Variants in CAST observed in about 807,000 individuals in gnomAD.
The protein encoded by CAST is MIR583 host.
CAST carries 76 observed loss-of-function variants against 119.6 expected under a neutral mutation model. The ratio of observed to expected loss-of-function variants is 0.64; its 90% CI spans 0.53 to 0.77. The LOEUF (loss-of-function observed/expected upper bound fraction) is 0.77. Ranked by LOEUF, CAST falls within the 30% of genes least tolerant of loss-of-function variation. The pLI is 0.00. For missense variants in CAST, 953 were observed against 946.5 expected (o/e 1.01, Z -0.09); for synonymous variants, 319 against 331.6 (o/e 0.96, Z 0.41).
the CAST span, among the ~76,000 whole-genome samples, chr5:96,333,935 A>G: frequency 1.3e-5 from 2 of 152,164 alleles, no homozygotes; most frequent in Non-Finnish European, 2.9e-5. Context: ...CCCTTCCAAC[A>G]TCAACATTCT....
At chr5:96,517,903 C>T in the CAST span, among the ~76,000 whole-genome samples, 1 of 152,200 alleles carries the variant, frequency 6.6e-6, no homozygotes, top group African/African-American at 2.4e-5. Flanking sequence ...CTGTGTTAAG[C>T]CCTTTGTGAA....
chr5:96,710,311 C>T (rs115055776), intron 3 of CAST, among the ~76,000 whole-genome samples: 9 of 152,206 alleles, frequency 5.9e-5, no homozygotes, highest in African/African-American at 1.4e-4. Context: ...CAGCAATAGA[C>T]GGTAGAAAAT....
At chr5:96,283,765 A>T in the CAST span, among the ~76,000 whole-genome samples, 55,097 of 152,042 alleles carry the variant, frequency 0.36, 10,802 homozygotes, top group African/African-American at 0.5. Context: ...AGTATTAATA[A>T]ATCTTGCTTG....
intron 3 of CAST, among the ~76,000 whole-genome samples, chr5:96,700,885 G>C (rs1170028290): frequency 1.3e-5 from 2 of 152,044 alleles, no homozygotes; most frequent in Non-Finnish European, 2.9e-5. Context: ...CTAAGGAAAG[G>C]AGCCTTTTTC....
At chr5:96,738,524 C>A (rs1273010331) in intron 11 of CAST, among the ~76,000 whole-genome samples, 1 of 152,110 alleles carries the variant, frequency 6.6e-6, no homozygotes, top group African/African-American at 2.4e-5. Context: ...ACTTATTTTC[C>A]ATCCTCAAGA....
intron 1 of CAST, among the ~76,000 whole-genome samples, chr5:96,558,497 T>C (rs950403276): frequency 2.6e-5 from 4 of 152,030 alleles, no homozygotes; most frequent in Non-Finnish European, 4.4e-5. Flanking sequence ...AAGAATCAAA[T>C]AGACGCACTA....
the CAST span, among the ~76,000 whole-genome samples, chr5:96,323,846 C>T: frequency 6.6e-6 from 1 of 152,206 alleles, no homozygotes; most frequent in Non-Finnish European, 1.5e-5. Flanking sequence ...TAACACAGCT[C>T]ATCTCTGGCA....
At chr5:96,068,508 C>T in the CAST span, among the ~76,000 whole-genome samples, 3 of 151,702 alleles carry the variant, frequency 2.0e-5, no homozygotes, top group Non-Finnish European at 4.4e-5. Context: ...AGTTACTAAA[C>T]ATCTGATATG....
At chr5:96,502,456 AT>A in the CAST span, among the ~76,000 whole-genome samples, 2 of 151,826 alleles carry the variant, frequency 1.3e-5, no homozygotes, top group Non-Finnish European at 2.9e-5. Context: ...ATTTTAATTA[AT>A]TTTTTATTTC....
At chr5:96,194,043 A>C in the CAST span, among the ~76,000 whole-genome samples, 3 of 152,196 alleles carry the variant, frequency 2.0e-5, no homozygotes, top group Non-Finnish European at 4.4e-5. Context: ...GAGAAGAGAA[A>C]GACTAAAAGA....
chr5:96,521,736 T>G (rs959050220), upstream of CAST, among the ~76,000 whole-genome samples: 4 of 152,244 alleles, frequency 2.6e-5, no homozygotes, highest in Admixed American at 2.6e-4. Context: ...ATATGGCACA[T>G]AATTCCTAGA....
At chr5:96,266,419 T>G in the CAST span, among the ~76,000 whole-genome samples, 1 of 151,898 alleles carries the variant, frequency 6.6e-6, no homozygotes, top group Admixed American at 6.6e-5. Context: ...TAAAGAGAGA[T>G]AAAGGCAAAG....
At chr5:96,016,150 A>G in the CAST span, among the ~76,000 whole-genome samples, 1 of 152,238 alleles carries the variant, frequency 6.6e-6, no homozygotes, top group Non-Finnish European at 1.5e-5. Flanking sequence ...CCTGCCCTTC[A>G]TGATGGCCTA....
chr5:96,242,079 T>A, the CAST span, among the ~76,000 whole-genome samples: 1 of 147,710 alleles, frequency 6.8e-6, no homozygotes, highest in Non-Finnish European at 1.5e-5. Context: ...TTAGATCCCA[T>A]TTGTCAATTT....
chr5:96,619,669 C>T (rs1747555628), intron 1 of CAST, among the ~76,000 whole-genome samples: 2 of 152,192 alleles, frequency 1.3e-5, no homozygotes. Flanking sequence ...AGACCACTAA[C>T]CCACCAGAAG....
At chr5:96,441,892 C>T in the CAST span, among the ~76,000 whole-genome samples, 1 of 152,134 alleles carries the variant, frequency 6.6e-6, no homozygotes, top group East Asian at 1.9e-4. Flanking sequence ...TTCCATTTCC[C>T]AGCTTCCTGT....
At chr5:96,641,558 A>G (rs1340844705) in intron 1 of CAST, among the ~76,000 whole-genome samples, 3 of 152,184 alleles carry the variant, frequency 2.0e-5, no homozygotes. Context: ...TCCCAATGCC[A>G]AGAGGATGGA....
In CAST at chr5:96,727,458, CCTTTTTTTCTTT is replaced by C. The variant is rs1759473665; in HGVS notation, c.337-20_337-9del. 12 of 1,284,286 alleles carry C rather than the reference CCTTTTTTTCTTT, an allele frequency of 9.3e-6. No individual in the cohort carries two copies. Among genetic ancestry groups the C allele is most frequent in the East Asian group, 2.5e-5 (1 of 40,142 alleles). The allele number at this position is 1,284,286 out of a possible 1,614,324, so 79.6% of individuals were successfully genotyped here. ...TATGTCTATCTTTCTTTTCTTCCTT[CCTTTTTTTCTTT>C]CTTTTTTTCTGAACTTAGGCTGTAA... On this transcript the variant is annotated intron_variant, in intron 5 of 31. Coordinates refer to ENST00000675179, the MANE Select transcript of CAST (RefSeq NM_001750.7).
the CAST span, among the ~76,000 whole-genome samples, chr5:96,260,735 G>A: frequency 1.3e-5 from 2 of 152,158 alleles, no homozygotes; most frequent in African/African-American, 4.8e-5. Flanking sequence ...CCTAGGCATG[G>A]CAATTAAGAT....
Sources: allele counts gnomAD v4.1 joint callset (sites outside exome capture counted in the v4.1 genomes callset), GRCh38; gene constraint gnomAD v4.1.1; transcripts MANE v1.5; gene names NCBI Gene and HGNC (gene_info 2026-07-23, HGNC 2026-07-21).